Variants in PEX5L observed in about 807,000 individuals in gnomAD.
The protein encoded by PEX5L is peroxisomal biogenesis factor 5 like.
In PEX5L, 30 loss-of-function variants were observed where a neutral mutation model predicts 84.0. That is an observed-to-expected ratio of 0.36 (90% confidence interval 0.27 to 0.48). The LOEUF (loss-of-function observed/expected upper bound fraction) is 0.48. PEX5L is among the 20% of genes least tolerant of loss of function. The probability of loss-of-function intolerance (pLI) is 0.99; values close to 1 mark genes in which losing one functional copy is unlikely to be tolerated. For missense variants in PEX5L, 533 were observed against 754.6 expected, an observed-to-expected ratio of 0.71 and a Z score of 3.44; for synonymous variants, 270 against 283.1, an observed-to-expected ratio of 0.95 and a Z score of 0.46.
intron 4 of PEX5L, among the ~76,000 whole-genome samples, chr3:179,885,873 C>T (rs1755695815): frequency 6.6e-6 from 1 of 152,222 alleles, no homozygotes; most frequent in South Asian, 2.1e-4. Context: ...GCCCTCAGAA[C>T]TGAGATGGTA....
intron 1 of PEX5L, among the ~76,000 whole-genome samples, chr3:180,035,501 C>T (rs576173078): frequency 6.6e-6 from 1 of 152,084 alleles, no homozygotes; most frequent in Non-Finnish European, 1.5e-5. Context: ...AAAATTGAGA[C>T]TATGATGAAA....
intron 8 of PEX5L, among the ~76,000 whole-genome samples, chr3:179,844,170 T>C (rs1210043963): frequency 2.0e-5 from 3 of 152,208 alleles, no homozygotes; most frequent in African/African-American, 7.2e-5. Context: ...AGTGCGTGTG[T>C]GCATGTGTGT....
At chr3:179,898,817 T>C (rs1275013245) in intron 2 of PEX5L, among the ~76,000 whole-genome samples, 1 of 152,160 alleles carries the variant, frequency 6.6e-6, no homozygotes, top group East Asian at 1.9e-4. Flanking sequence ...GGAGATGGTA[T>C]AAACTTCATG....
At chr3:179,894,116 C>T (rs1758451709) in intron 3 of PEX5L, among the ~76,000 whole-genome samples, 1 of 151,998 alleles carries the variant, frequency 6.6e-6, no homozygotes, top group South Asian at 2.1e-4. Context: ...TAGTCATAAT[C>T]TTATAATTGA....
chr3:179,985,368 A>C (rs1403920143), intron 1 of PEX5L, among the ~76,000 whole-genome samples: 2 of 152,224 alleles, frequency 1.3e-5, no homozygotes, highest in African/African-American at 4.8e-5. Flanking sequence ...CAAAAGCTTC[A>C]GAACAATTCC....
At chr3:180,013,526 G>A (rs1468490241) in intron 1 of PEX5L, among the ~76,000 whole-genome samples, 1 of 151,972 alleles carries the variant, frequency 6.6e-6, no homozygotes, top group Non-Finnish European at 1.5e-5. Context: ...GGGCTCCATA[G>A]TCACAAGTGA....
intron 2 of PEX5L, chr3:179,921,731 A>G (rs1769486004): frequency 1.3e-5 from 2 of 152,252 alleles, no homozygotes; most frequent in South Asian, 4.1e-4. Flanking sequence ...TCGTCCTGAT[A>G]TAGCCTGCAG....
At chr3:179,910,108 C>T (rs966711126) in intron 2 of PEX5L, among the ~76,000 whole-genome samples, 4 of 152,196 alleles carry the variant, frequency 2.6e-5, no homozygotes, top group African/African-American at 9.6e-5. Context: ...GCCTTCTTAG[C>T]TAATTCCTTT....
intron 8 of PEX5L, among the ~76,000 whole-genome samples, chr3:179,830,651 AT>A (rs2109128452): frequency 6.6e-6 from 1 of 152,278 alleles, no homozygotes; most frequent in Admixed American, 6.5e-5. Flanking sequence ...TGGTGTATTG[AT>A]TTATTGGCCT....
intron 1 of PEX5L, chr3:179,973,754 TTTCC>T: frequency 1.0e-6 from 1 of 985,398 alleles, no homozygotes; most frequent in Non-Finnish European, 1.2e-6. Flanking sequence ...AGTAGTAAAT[TTTCC>T]TGGGAAGAGG....
At chr3:179,805,896 A>C (rs1721116274) in intron 14 of PEX5L, among the ~76,000 whole-genome samples, 1 of 152,092 alleles carries the variant, frequency 6.6e-6, no homozygotes, top group Admixed American at 6.5e-5. Context: ...AAAGTATTTT[A>C]TTGGCCACTC....
At chr3:180,010,091 C>T (rs111445240) in intron 1 of PEX5L, among the ~76,000 whole-genome samples, 25,449 of 151,588 alleles carry the variant, frequency 0.17, 2,949 homozygotes, top group African/African-American at 0.33. Flanking sequence ...CTACAGGCGC[C>T]CGCCACCACG....
intron 2 of PEX5L, among the ~76,000 whole-genome samples, chr3:179,910,006 A>G (rs894007173): frequency 2.0e-5 from 3 of 152,222 alleles, no homozygotes; most frequent in African/African-American, 7.2e-5. Flanking sequence ...ACAGTAATAG[A>G]ACAACCACCC....
intron 2 of PEX5L, among the ~76,000 whole-genome samples, chr3:179,956,772 C>A (rs895569203): frequency 6.6e-6 from 1 of 152,236 alleles, no homozygotes; most frequent in East Asian, 1.9e-4. Context: ...GCAACATGCA[C>A]GGTGCCATCT....
intron 1 of PEX5L, among the ~76,000 whole-genome samples, chr3:180,029,050 T>C (rs1791214904): frequency 6.6e-6 from 1 of 152,176 alleles, no homozygotes; most frequent in Non-Finnish European, 1.5e-5. Flanking sequence ...TCTAGCAGTG[T>C]GTCTTGTTTG....
intron 1 of PEX5L, among the ~76,000 whole-genome samples, chr3:180,029,010 C>T (rs1359152654): frequency 1.3e-5 from 2 of 152,114 alleles, no homozygotes; most frequent in Admixed American, 6.5e-5. Context: ...CAGATAATCT[C>T]GCAGTGGTTG....
chr3:179,817,823 T>A (rs1383034699), intron 9 of PEX5L, among the ~76,000 whole-genome samples: 1 of 152,138 alleles, frequency 6.6e-6, no homozygotes, highest in Non-Finnish European at 1.5e-5. Context: ...GACTGGCTTA[T>A]GTGGGGTTAG....
At chr3:179,846,768 T>C (rs1739507728) in intron 8 of PEX5L, among the ~76,000 whole-genome samples, 1 of 152,156 alleles carries the variant, frequency 6.6e-6, no homozygotes, top group Non-Finnish European at 1.5e-5. Context: ...TCTCCTGCCC[T>C]CAGACTTGGT....
chr3:180,028,757 A>T (rs1791186984), intron 1 of PEX5L, among the ~76,000 whole-genome samples: 1 of 152,224 alleles, frequency 6.6e-6, no homozygotes, highest in Admixed American at 6.5e-5. Context: ...CTTTAAACAA[A>T]GGATTCTGTG....
Sources: allele counts gnomAD v4.1 joint callset (sites outside exome capture counted in the v4.1 genomes callset), GRCh38; gene constraint gnomAD v4.1.1; transcripts MANE v1.5; gene names NCBI Gene and HGNC (gene_info 2026-07-23, HGNC 2026-07-21).